TENM2: variants seen among roughly 807,000 people sequenced by gnomAD.
The protein encoded by TENM2 is teneurin-2.
TENM2 carries 52 observed loss-of-function variants against 245.2 expected under a neutral mutation model. The ratio of observed to expected loss-of-function variants is 0.21; its 90% CI spans 0.17 to 0.27. The LOEUF is 0.27. Among genes scored for constraint, TENM2 ranks in the 10% least tolerant of loss-of-function variants. The pLI is 1.00. For synonymous variants in TENM2, 1,363 were observed against 1,438.9 expected, an observed-to-expected ratio of 0.95 and a Z score of 1.19; for missense variants, 3,046 against 3,666.8, an observed-to-expected ratio of 0.83 and a Z score of 4.37.
chr5:168,245,158 T>A (rs1215049208), intron 26 of TENM2, among the ~76,000 whole-genome samples: 1 of 142,960 alleles, frequency 7.0e-6, no homozygotes, highest in East Asian at 2.0e-4. Flanking sequence ...TCCCTCCTGC[T>A]CCCACCCTCA....
the TENM2 span, among the ~76,000 whole-genome samples, chr5:167,117,213 GC>G: frequency 2.6e-5 from 4 of 152,176 alleles, no homozygotes; most frequent in African/African-American, 9.7e-5. Context: ...GGGTTAAGAA[GC>G]CTAAACAGGC....
intron 7 of TENM2, among the ~76,000 whole-genome samples, chr5:168,065,890 T>C (rs2152110517): frequency 6.6e-6 from 1 of 150,672 alleles, no homozygotes; most frequent in South Asian, 2.1e-4. Flanking sequence ...ACACCATTAG[T>C]GGCTTTCAAA....
chr5:167,269,052 TCCTAATTAA>T, the TENM2 span, among the ~76,000 whole-genome samples: 1 of 152,168 alleles, frequency 6.6e-6, no homozygotes, highest in African/African-American at 2.4e-5. Context: ...ATACTTTGTT[TCCTAATTAA>T]GGAAGCAGAG....
At chr5:167,033,493 G>T in the TENM2 span, among the ~76,000 whole-genome samples, 1 of 152,318 alleles carries the variant, frequency 6.6e-6, no homozygotes, top group East Asian at 1.9e-4. Context: ...ATGACAAGCT[G>T]ATTGTGGTCT....
intron 2 of TENM2, among the ~76,000 whole-genome samples, chr5:167,678,969 C>T (rs1756523500): frequency 2.0e-5 from 3 of 152,064 alleles, no homozygotes; most frequent in Admixed American, 2.0e-4. Flanking sequence ...TTTATTCTCG[C>T]CATGATGACT....
chr5:167,490,938 G>T (rs1768393128), intron 2 of TENM2, among the ~76,000 whole-genome samples: 1 of 152,092 alleles, frequency 6.6e-6, no homozygotes, highest in African/African-American at 2.4e-5. Context: ...TCTCAGCTCT[G>T]TATGTTGACT....
At chr5:166,996,274 C>A in the TENM2 span, among the ~76,000 whole-genome samples, 2 of 152,188 alleles carry the variant, frequency 1.3e-5, no homozygotes, top group South Asian at 4.1e-4. Context: ...ACCCGGGAGG[C>A]GGAGCTTGCA....
exon 1 of TENM2, chr5:167,284,875 G>C (rs1332819950): frequency 2.6e-6 from 4 of 1,551,784 alleles, no homozygotes; most frequent in Non-Finnish European, 3.5e-6. Flanking sequence ...TCTTTGACCA[G>C]AGGACGCTGT....
At chr5:167,549,176 A>G (rs1333224975) in intron 2 of TENM2, among the ~76,000 whole-genome samples, 2 of 152,150 alleles carry the variant, frequency 1.3e-5, no homozygotes, top group Non-Finnish European at 2.9e-5. Flanking sequence ...GAATTTCAAC[A>G]TATCTTTGGT....
intron 5 of TENM2, chr5:168,033,228 T>C (rs557867068): frequency 2.0e-5 from 3 of 152,258 alleles, no homozygotes; most frequent in South Asian, 2.1e-4. Flanking sequence ...GATTTTAAAA[T>C]GTAGTTAAGA....
chr5:168,140,037 T>C (rs1178399891), intron 12 of TENM2, among the ~76,000 whole-genome samples: 2 of 152,220 alleles, frequency 1.3e-5, no homozygotes, highest in Non-Finnish European at 2.9e-5. Flanking sequence ...AGGATTAGTA[T>C]TGAGTGAGGA....
In TENM2 at chr5:167,606,044, C is replaced by A. The variant is rs144568656; in HGVS notation, c.502+230571C>A. ...ACAACTAAGACATAGCTTGTTAGAG[C>A]CCGGACTAAAACTCCAGTTCCCTGA... On this transcript the variant is annotated intron_variant, in intron 2 of 28. Transcript: ENST00000518659. Among the ~76,000 whole-genome samples, 303 of 152,260 alleles carry A rather than the reference C, an allele frequency of 2.0e-3. 2 individuals carry two copies. Among genetic ancestry groups the A allele is most frequent in the African/African-American group, 6.6e-3 (275 of 41,560 alleles).
chr5:168,186,200 T>C (rs1460111728), intron 13 of TENM2: 1 of 152,050 alleles, frequency 6.6e-6, no homozygotes, highest in Non-Finnish European at 1.5e-5. Flanking sequence ...TCACCTCTGA[T>C]GCTGTGTAGA....
At chr5:168,216,790 G>T in exon 22 of TENM2, 8 of 1,613,890 alleles carry the variant, frequency 5.0e-6, no homozygotes, top group Non-Finnish European at 6.8e-6. Flanking sequence ...ACAAGAATGG[G>T]CTCATGTACT....
At position 167,429,673 on chromosome 5, in the gene TENM2, C is replaced by T. The variant is rs542102344; in HGVS notation, c.502+54200C>T. Among the ~76,000 whole-genome samples, 5 of 148,850 alleles carry T rather than the reference C, an allele frequency of 3.4e-5. No individual in the cohort carries two copies. The East Asian group carries it at 6.0e-4, about 18-fold the overall frequency. ...CCAGGCTGGAGTGCAGTGAAGCGAC[C>T]GCGGCTCAGTGCAACCTCCGCCTCC... On this transcript the variant is annotated intron_variant, in intron 2 of 28. Coordinates refer to ENST00000518659, the Ensembl canonical transcript of TENM2.
Position 168,162,487 on chromosome 5 carries a change from C to G in TENM2, c.2423-124C>G, listed in dbSNP as rs1020609163. The G allele has an allele frequency of 1.1e-5, 11 of 993,610 alleles. No individual in the cohort carries two copies. The African/African-American group carries it at 1.6e-4, about 15-fold the overall frequency. 61.5% of individuals were successfully genotyped at this position (993,610 alleles called of 1,614,324 possible). ...CCCCTGACTCTGTGGAAGGCAGGCG[C>G]GGGCCCCACTGTGAGGCTGGCCCAG... On this transcript the variant is annotated intron_variant, in intron 12 of 28. Transcript: ENST00000518659.
the TENM2 span, among the ~76,000 whole-genome samples, chr5:167,076,331 T>A: frequency 1.3e-5 from 2 of 152,284 alleles, no homozygotes; most frequent in South Asian, 4.1e-4. Context: ...TCTCATTGTT[T>A]AAAATATGAA....
chr5:167,283,531 T>A (rs1194994178), upstream of TENM2, among the ~76,000 whole-genome samples: 3 of 152,204 alleles, frequency 2.0e-5, no homozygotes, highest in African/African-American at 7.2e-5. Flanking sequence ...CACATTGCTG[T>A]GCATAGCTAT....
At chr5:167,131,512 G>A in the TENM2 span, among the ~76,000 whole-genome samples, 6 of 152,174 alleles carry the variant, frequency 3.9e-5, no homozygotes, top group African/African-American at 9.6e-5. Flanking sequence ...AGTCTCTGTT[G>A]TACTATACTG....
Sources: allele counts gnomAD v4.1 joint callset (sites outside exome capture counted in the v4.1 genomes callset), GRCh38; gene constraint gnomAD v4.1.1; transcripts MANE v1.5; gene names NCBI Gene and HGNC (gene_info 2026-07-23, HGNC 2026-07-21).